The following ATP1A3 variants were observed in gnomAD, a reference collection of about 807,000 sequenced individuals.
ATP1A3 encodes the protein sodium/potassium-transporting ATPase subunit alpha-3.
In ATP1A3, 12 loss-of-function variants were observed where a neutral mutation model predicts 108.8. The observed-to-expected ratio is 0.11, with a 90% confidence interval of 0.07 to 0.18. The LOEUF is 0.18. ATP1A3 is among the 10% of genes least tolerant of loss of function. ATP1A3 has a pLI of 1.00. For synonymous variants in ATP1A3, 539 were observed against 564.5 expected, an observed-to-expected ratio of 0.95 and a Z score of 0.64; for missense variants, 498 against 1,387.7, an observed-to-expected ratio of 0.36 and a Z score of 10.19.
At chr19:41,975,411 G>T (rs2075155284) in intron 16 of ATP1A3, among the ~76,000 whole-genome samples, 1 of 152,196 alleles carries the variant, frequency 6.6e-6, no homozygotes, top group African/African-American at 2.4e-5. Flanking sequence ...TGGGCTGGAT[G>T]ACGCAGGGAC....
intron 4 of ATP1A3, 114 bp from the exon 5 acceptor site, chr19:41,986,343 G>T: frequency 1.0e-6 from 1 of 991,146 alleles, no homozygotes; most frequent in Non-Finnish European, 1.5e-6. Context: ...CTGTATTTGT[G>T]TGTCTGACCC....
At position 41,967,140 on chromosome 19, in the gene ATP1A3, T is replaced by C; in HGVS notation, c.3013+109A>G. On this transcript the variant is annotated intron_variant, in intron 22 of 22. Transcript: ENST00000648268. This position sits in a 1 kb window ranked among gnomAD's most constrained non-coding sequence, Gnocchi z 4.2. ...GGAGAGATGGGAAGAGAGAGAAGAG[T>C]GGGAACCAGGTGGCAGAGCCATCCA... 1 of 1,572,322 alleles carries C rather than the reference T, an allele frequency of 6.4e-7. No homozygotes were observed. The highest frequency in any genetic ancestry group is 1.9e-5 in the Admixed American group (1 of 53,028).
In ATP1A3 at chr19:41,985,247, C is replaced by T. The variant is rs201811650; in HGVS notation, c.724+59G>A. 4.3e-6 allele frequency: 7 copies of T among 1,613,880 alleles called. No individual in the cohort carries two copies. In the African/African-American group the frequency reaches 5.3e-5, roughly 12 times the overall value. ...CTCAGGGAGGTTCTGGAGGCCTGACCCCCTGGGACACATCCCTGTGTCTGC... is the reference window on the plus strand; with the variant it reads ...CTCAGGGAGGTTCTGGAGGCCTGACTCCCTGGGACACATCCCTGTGTCTGC... On this transcript the variant is annotated intron_variant, in intron 7 of 22. Transcript: ENST00000648268. The surrounding 1 kb of genome is among the most constrained non-coding windows in gnomAD (Gnocchi z 8.2).
intron 16 of ATP1A3, among the ~76,000 whole-genome samples, chr19:41,970,750 G>C (rs1217712224): frequency 6.7e-6 from 1 of 150,108 alleles, no homozygotes. Context: ...TCCTGCCTCA[G>C]CCTCCCGAGT....
rs1330969562 is a variant in ATP1A3, at chr19:41,978,019, A to G, written c.1860T>C (p.Gly620=). ...HPITAKAIAK[G]VGIISEGNET... is the part of the protein sequence containing the mutation. ...CGTTGCCCTCAGAGATGATGCCCACACCCTTGGCAATGGCCTTGGCCGTGA... is the reference window on the plus strand; with the variant it reads ...CGTTGCCCTCAGAGATGATGCCCACGCCCTTGGCAATGGCCTTGGCCGTGA... Residue 620 remains glycine (G), a synonymous_variant, in exon 14 of 23, where the codon GGT becomes GGC. Transcript: ENST00000648268. The surrounding 1 kb of genome is among the most constrained non-coding windows in gnomAD (Gnocchi z 8.3). The G allele has an allele frequency of 1.2e-6, 2 of 1,614,038 alleles. No individual in the cohort carries two copies. The highest frequency in any genetic ancestry group is 1.7e-6 in the Non-Finnish European group (2 of 1,180,024).
Position 41,968,955 on chromosome 19 carries a change from G to A in ATP1A3, c.2689-40C>T. The A allele has an allele frequency of 6.2e-7, 1 of 1,612,914 alleles. No homozygotes were observed. Among genetic ancestry groups the A allele is most frequent in the Non-Finnish European group, 8.5e-7 (1 of 1,179,378 alleles). On this transcript the variant is annotated intron_variant, in intron 19 of 22. Transcript: ENST00000648268. The surrounding 1 kb of genome is among the most constrained non-coding windows in gnomAD (Gnocchi z 5.0). ...ACCAGGGCACGGGACGTCAGTTAGT[G>A]GCACTGCAGCCCTAGCCGCCACCCC...
Position 41,978,584 on chromosome 19 carries a change from A to ATT in ATP1A3, c.1630+21_1630+22insAA, listed in dbSNP as rs782182675. 1 of 1,611,290 alleles carries ATT rather than the reference A, an allele frequency of 6.2e-7. No individual in the cohort carries two copies. Among genetic ancestry groups the ATT allele is most frequent in the East Asian group, 2.2e-5 (1 of 44,876 alleles). ...CCTCCTTGCCCTCCAGGGACCCCAG[A>ATT]GCCCGCCCGGCAGCCTCGCACCAAG... On this transcript the variant is annotated intron_variant, in intron 12 of 22. Transcript: ENST00000648268. This position sits in a 1 kb window ranked among gnomAD's most constrained non-coding sequence, Gnocchi z 8.3.
rs781898188 is a variant in ATP1A3 at position 41,988,344 on chromosome 19, G to A, written c.127C>T (p.Arg43Trp). The A allele has an allele frequency of 4.3e-6, 7 of 1,614,004 alleles. No individual in the cohort carries two copies. Among genetic ancestry groups the A allele is most frequent in the African/African-American group, 4.0e-5 (3 of 74,906 alleles). ...EHKMSVEEVCRKYNTDCVQGL... is the reference protein window; with the variant it reads ...EHKMSVEEVCWKYNTDCVQGL... ...TGCACACAGTCTGTGTTGTATTTCC[G>A]GCAGACCTCTTCCACTGACATCTTG... The change falls in exon 3 of 23, where the codon CGG becomes TGG. Residue 43 changes from arginine (R) to tryptophan (W), a missense_variant. Arg to Trp is a moderately radical substitution (Grantham distance 101). This residue lies in a region of ATP1A3 where 41 missense variants were observed against 59.7 expected (regional missense o/e 0.69). Coordinates refer to ENST00000648268, the MANE Select transcript of ATP1A3 (RefSeq NM_152296.5). The surrounding 1 kb of genome is among the most constrained non-coding windows in gnomAD (Gnocchi z 5.3).
chr19:41,982,833 T>TAA (rs2075248462), intron 8 of ATP1A3, among the ~76,000 whole-genome samples: 1 of 152,198 alleles, frequency 6.6e-6, no homozygotes, highest in Non-Finnish European at 1.5e-5. Flanking sequence ...ATAGGAAGTT[T>TAA]GAACACAGGC....
intron 19 of ATP1A3, among the ~76,000 whole-genome samples, 198 bp downstream of exon 19, chr19:41,969,237 G>T (rs1440662750): frequency 2.0e-5 from 3 of 152,222 alleles, no homozygotes; most frequent in Non-Finnish European, 4.4e-5. Context: ...TGGCAGGGCA[G>T]AGAGCTCCAG....
Position 41,970,615 on chromosome 19 carries a change from C to T in ATP1A3, c.2264-73G>A, listed in dbSNP as rs555330708. On this transcript the variant is annotated intron_variant, in intron 16 of 22. Transcript: ENST00000648268. ...ACTCCCTCTGCCCCTCCTCTGCCCTCATCCAACGTCCTTTTTTTTTTTTTT... is the reference window on the plus strand; with the variant it reads ...ACTCCCTCTGCCCCTCCTCTGCCCTTATCCAACGTCCTTTTTTTTTTTTTT... 3.6e-5 allele frequency: 40 copies of T among 1,099,776 alleles called. No homozygotes were observed. The African/African-American group carries it at 6.1e-4, about 17-fold the overall frequency. 68.1% of individuals were successfully genotyped at this position (1,099,776 alleles called of 1,614,324 possible).
In ATP1A3 at chr19:41,985,341, C is replaced by T. The variant is rs782657023; in HGVS notation, c.689G>A (p.Arg230Gln). ...GTTGGTGGAAAAGAAGGTGATGTTC[C>T]GAGTCTCCAAGGGGTTGTCGTGAGT... ...DCTHDNPLETRNITFFSTNCV... is the reference protein window; with the variant it reads ...DCTHDNPLETQNITFFSTNCV... The change falls in exon 7 of 23, where the codon CGG (arginine) becomes CAG (glutamine). Residue 230 changes from arginine to glutamine, a missense_variant. Arg to Gln is a conservative substitution (Grantham distance 43, BLOSUM62 1). Around this residue, in one of 9 missense-constraint regions of ATP1A3, gnomAD observed 127 missense variants for 464.0 expected, o/e 0.27. Transcript: ENST00000648268. This position sits in a 1 kb window ranked among gnomAD's most constrained non-coding sequence, Gnocchi z 8.2. 3.1e-6 allele frequency: 5 copies of T among 1,614,192 alleles called. No individual in the cohort carries two copies. The highest frequency in any genetic ancestry group is 4.2e-6 in the Non-Finnish European group (5 of 1,180,028).
At chr19:41,979,877 A>C (rs1336554580) in intron 11 of ATP1A3, among the ~76,000 whole-genome samples, 1 of 152,222 alleles carries the variant, frequency 6.6e-6, no homozygotes, top group East Asian at 1.9e-4. Context: ...GTTATTTTAA[A>C]AGCTCTGAGT....
chr19:41,984,060 C>A (rs1195451144), intron 8 of ATP1A3, among the ~76,000 whole-genome samples: 2 of 152,010 alleles, frequency 1.3e-5, no homozygotes, highest in Non-Finnish European at 2.9e-5. Flanking sequence ...CAGGCATGAG[C>A]CACTGCGCCC....
chr19:41,975,532 T>C lies in ATP1A3; in HGVS notation c.2263+97A>G. ...CCAGGGCCAGGGGGCCTGTGGTCTC[T>C]GCCACACATCCCCCTGCAGCCCTGG... On this transcript the variant is annotated intron_variant, in intron 16 of 22. Coordinates refer to ENST00000648268, the MANE Select transcript of ATP1A3 (RefSeq NM_152296.5). The C allele has an allele frequency of 1.9e-6, 3 of 1,540,684 alleles. No homozygotes were observed. The Admixed American group carries it at 5.5e-5, about 28-fold the overall frequency.
intron 18 of ATP1A3, 149 bp downstream of exon 18, chr19:41,970,036 C>T: frequency 1.5e-6 from 2 of 1,324,090 alleles, no homozygotes; most frequent in Non-Finnish European, 2.1e-6. Flanking sequence ...GGATGGGGTG[C>T]AGACCCCCCC....
intron 18 of ATP1A3, 24 bp from the exon 19 acceptor site, chr19:41,969,604 G>C (rs782043181): frequency 2.5e-6 from 4 of 1,612,830 alleles, no homozygotes; most frequent in Non-Finnish European, 2.5e-6. Context: ...AGAGGAAGCC[G>C]AGGAGAGGCT....
chr19:41,993,451 G>A lies in ATP1A3; in HGVS notation c.6+620C>T, dbSNP rs1486182227. ...TCCCATGCCTGCTCCCCTACATGAGGGGCTGCACACACACACACTGCAGCC... is the reference window on the plus strand; with the variant it reads ...TCCCATGCCTGCTCCCCTACATGAGAGGCTGCACACACACACACTGCAGCC... On this transcript the variant is annotated intron_variant, in intron 1 of 22. Transcript: ENST00000648268. 7 of 1,533,498 alleles carry A rather than the reference G, an allele frequency of 4.6e-6. No homozygotes were observed. In the Admixed American group the frequency reaches 1.2e-4, roughly 26 times the overall value. 95.0% of individuals were successfully genotyped at this position (1,533,498 alleles called of 1,614,324 possible). A position where few individuals can be genotyped will look rare whatever the true frequency, so the allele number is the denominator to read the frequency against.
chr19:41,967,831 C>T lies in ATP1A3; in HGVS notation c.2820-68G>A, dbSNP rs4306638. 4.7e-3 allele frequency: 6,559 copies of T among 1,401,256 alleles called. 244 individuals are homozygous for T. The African/African-American group carries it at 0.082, about 17-fold the overall frequency. The allele number at this position is 1,401,256 out of a possible 1,614,324, so 86.8% of individuals were successfully genotyped here. On this transcript the variant is annotated intron_variant, in intron 20 of 22. Coordinates refer to ENST00000648268, the MANE Select transcript of ATP1A3 (RefSeq NM_152296.5). The surrounding 1 kb of genome is among the most constrained non-coding windows in gnomAD (Gnocchi z 4.2). ...CCCTGCACCTGCCACCCCGCAGAGA[C>T]AGGGGGAGGCACAGTGCAGACACCC...
Sources: allele counts gnomAD v4.1 joint callset (sites outside exome capture counted in the v4.1 genomes callset), GRCh38; gene constraint gnomAD v4.1.1; regional missense constraint gnomAD v4.1.1; non-coding constraint Gnocchi (gnomAD v3.1); transcripts MANE v1.5; gene names NCBI Gene and HGNC (gene_info 2026-07-23, HGNC 2026-07-21).